Variants in ZNF362 observed in about 807,000 individuals in gnomAD.
The protein encoded by ZNF362 is rotund homolog.
Under a neutral mutation model 42.9 loss-of-function variants are expected in ZNF362, and 11 were observed. The ratio of observed to expected loss-of-function variants is 0.26; its 90% CI spans 0.16 to 0.42. The LOEUF is 0.42. Among genes scored for constraint, ZNF362 ranks in the 20% least tolerant of loss-of-function variants. ZNF362 has a pLI of 1.00. For missense variants in ZNF362, 362 were observed against 576.2 expected, an observed-to-expected ratio of 0.63 and a Z score of 3.81; for synonymous variants, 255 against 257.3, an observed-to-expected ratio of 0.99 and a Z score of 0.09.
rs780354248 is a variant in ZNF362, at chr1:33,295,138, C to G, written c.988-9C>G. On this transcript the variant is annotated splice_polypyrimidine_tract_variant and intron_variant, in intron 7 of 8. Transcript: ENST00000539719. ...GTTCCTCTCCTGACCCCCTGCTGTG[C>G]CCCTACAGTCTCACCAGCGCCAGCA... The G allele has an allele frequency of 1.2e-6, 2 of 1,613,302 alleles. No individual in the cohort carries two copies. Among genetic ancestry groups the G allele is most frequent in the Admixed American group, 3.3e-5 (2 of 59,990 alleles).
chr1:33,204,607 G>A, the ZNF362 span, among the ~76,000 whole-genome samples: 1 of 152,142 alleles, frequency 6.6e-6, no homozygotes, highest in Non-Finnish European at 1.5e-5. Flanking sequence ...CATGAACATA[G>A]GATGTCTTTC....
intron 1 of ZNF362, among the ~76,000 whole-genome samples, chr1:33,261,855 C>T (rs1276475057): frequency 6.6e-6 from 1 of 152,192 alleles, no homozygotes; most frequent in African/African-American, 2.4e-5. Flanking sequence ...ACCCAGAGGC[C>T]AACAGGCTGC....
rs1646157130 is a variant in ZNF362, at chr1:33,300,202, T to G, written c.*1156T>G. On this transcript the variant is annotated 3_prime_UTR_variant, in exon 9 of 9. Coordinates refer to ENST00000539719, the MANE Select transcript of ZNF362 (RefSeq NM_152493.3). ...TCATCTATATATTCTGTATCTGGAG[T>G]TCCGTTTTGAATATTAACTGTGTTA... 1 of 152,580 alleles carries G rather than the reference T, an allele frequency of 6.6e-6. No homozygotes were observed. Among genetic ancestry groups the G allele is most frequent in the Non-Finnish European group, 1.5e-5 (1 of 68,030 alleles). 9.5% of individuals were successfully genotyped at this position (152,580 alleles called of 1,614,324 possible).
the ZNF362 span, among the ~76,000 whole-genome samples, chr1:33,190,825 G>A: frequency 1.3e-5 from 2 of 152,190 alleles, no homozygotes; most frequent in African/African-American, 2.4e-5. Flanking sequence ...AATTGATGTC[G>A]CAGCATCAGG....
At chr1:33,285,593 T>C (rs1467627875) in intron 6 of ZNF362, among the ~76,000 whole-genome samples, 1 of 152,218 alleles carries the variant, frequency 6.6e-6, no homozygotes, top group Non-Finnish European at 1.5e-5. Flanking sequence ...GATTAGGTTT[T>C]TTTGGTCCAT....
the ZNF362 span, chr1:33,147,075 T>C: frequency 1.5e-6 from 2 of 1,352,474 alleles, no homozygotes; most frequent in East Asian, 4.6e-5. The surrounding 1 kb of genome is among the most constrained non-coding windows in gnomAD (Gnocchi z 8.1). Flanking sequence ...GCCTGAGGTC[T>C]CCAGTGGCCA....
At chr1:33,199,197 AC>A in the ZNF362 span, among the ~76,000 whole-genome samples, 1 of 152,158 alleles carries the variant, frequency 6.6e-6, no homozygotes, top group South Asian at 2.1e-4. Context: ...AACACAAGAA[AC>A]ATAAAGAAAA....
rs767449978 is a variant in ZNF362 at position 33,280,174 on chromosome 1, G to A, written c.400G>A (p.Ala134Thr). 6.2e-7 allele frequency: 1 copy of A among 1,610,556 alleles called. No individual in the cohort carries two copies. The highest frequency in any genetic ancestry group is 8.5e-7 in the Non-Finnish European group (1 of 1,178,014). The change falls in exon 5 of 9, where the codon GCG (alanine) becomes ACG (threonine). Residue 134 changes from alanine to threonine, a missense_variant. Ala to Thr is a moderately conservative substitution (Grantham distance 58). Transcript: ENST00000539719. The surrounding 1 kb of genome is among the most constrained non-coding windows in gnomAD (Gnocchi z 5.6). ...GTCTGTGAGCACTTCTGAGTCAAGC[G>A]CGGGCGCGGGCACGGGCACGGGTAC... ...TPSVSTSESS[A>T]GAGTGTGTST...
the ZNF362 span, among the ~76,000 whole-genome samples, chr1:33,178,468 T>A: frequency 6.6e-6 from 1 of 152,192 alleles, no homozygotes; most frequent in Non-Finnish European, 1.5e-5. Context: ...CAAGGCCTCC[T>A]TCTCGGGCCA....
the ZNF362 span, among the ~76,000 whole-genome samples, chr1:33,239,545 C>T: frequency 6.6e-5 from 10 of 152,104 alleles, no homozygotes; most frequent in South Asian, 2.1e-4. Context: ...GCTGGGGAGG[C>T]TTCAGGAAAC....
the ZNF362 span, among the ~76,000 whole-genome samples, chr1:33,132,175 T>A: frequency 1.2e-3 from 180 of 152,350 alleles, no homozygotes; most frequent in Non-Finnish European, 2.1e-3. Flanking sequence ...AAGAACGCAC[T>A]GTGAGCTGCC....
At chr1:33,180,760 C>CT in the ZNF362 span, among the ~76,000 whole-genome samples, 1 of 152,338 alleles carries the variant, frequency 6.6e-6, no homozygotes, top group African/African-American at 2.4e-5. Context: ...TTCTCCCTAA[C>CT]CGCGGACCAG....
the ZNF362 span, among the ~76,000 whole-genome samples, chr1:33,250,899 A>G: frequency 6.8e-6 from 1 of 147,736 alleles, no homozygotes; most frequent in Non-Finnish European, 1.5e-5. Flanking sequence ...GAAGAAGGAG[A>G]AGAAGAAGGT....
At chr1:33,147,357 CA>C in the ZNF362 span, 64 of 1,614,096 alleles carry the variant, frequency 4.0e-5, no homozygotes, top group Non-Finnish European at 5.3e-5. The surrounding 1 kb of genome is among the most constrained non-coding windows in gnomAD (Gnocchi z 8.1). Context: ...GGAAGACACC[CA>C]CCTTGTCAAG....
chr1:33,229,108 TG>T, the ZNF362 span, among the ~76,000 whole-genome samples: 3 of 150,858 alleles, frequency 2.0e-5, no homozygotes, highest in Non-Finnish European at 4.4e-5. Context: ...TCAGGAAGGT[TG>T]GGGGTGGGGG....
chr1:33,279,675 C>A (rs1412541053), intron 4 of ZNF362, among the ~76,000 whole-genome samples: 1 of 147,266 alleles, frequency 6.8e-6, no homozygotes, highest in Non-Finnish European at 1.5e-5. Context: ...TCCTGATCTA[C>A]TATCCATATC....
chr1:33,180,954 GACCCCACCCCCC>G, the ZNF362 span: 1 of 883,072 alleles, frequency 1.1e-6, no homozygotes, highest in Non-Finnish European at 1.6e-6. Flanking sequence ...GTCCAGCCCT[GACCCCACCCCCC>G]GCCCGGCCCC....
chr1:33,229,517 C>A, the ZNF362 span, among the ~76,000 whole-genome samples: 1 of 151,848 alleles, frequency 6.6e-6, no homozygotes, highest in Non-Finnish European at 1.5e-5. Flanking sequence ...AGTGATCCTC[C>A]TGCCTCAGCC....
the ZNF362 span, among the ~76,000 whole-genome samples, chr1:33,188,828 C>G: frequency 6.6e-6 from 1 of 152,186 alleles, no homozygotes; most frequent in African/African-American, 2.4e-5. Flanking sequence ...ATCATCCTAT[C>G]TAACTGATTG....
Sources: gnomAD v4.1 joint callset for allele counts (sites outside exome capture counted in the v4.1 genomes callset) on GRCh38, gnomAD v4.1.1 for gene constraint, Gnocchi (gnomAD v3.1) non-coding constraint, MANE v1.5 for transcripts, NCBI Gene and HGNC (gene_info 2026-07-23, HGNC 2026-07-21) for gene names.